STK3: variants seen among roughly 807,000 people sequenced by gnomAD.
STK3 encodes the protein serine/threonine-protein kinase 3.
A neutral mutation model predicts 58.0 loss-of-function variants in STK3; 41 were observed. The ratio of observed to expected loss-of-function variants is 0.71; its 90% CI spans 0.55 to 0.92. The LOEUF is 0.92. Among genes scored for constraint, STK3 ranks in the 40% least tolerant of loss-of-function variants. The probability of loss-of-function intolerance (pLI) is 0.00; values close to 1 mark genes in which losing one functional copy is unlikely to be tolerated. For missense variants in STK3, 479 were observed against 602.7 expected (o/e 0.79, Z 2.15); for synonymous variants, 170 against 191.0 (o/e 0.89, Z 0.91).
rs545620806 is a variant in STK3, at chr8:98,873,461, T to A, written c.110+10186A>T. On this transcript the variant is annotated intron_variant, in intron 3 of 12. Coordinates refer to the STK3 transcript ENST00000523601. ...GGGTGTTAAAGTCTCCCATTATTATTGTGTGGGAGTCTAAGTCTCTTTGTA... is the reference window on the plus strand; with the variant it reads ...GGGTGTTAAAGTCTCCCATTATTATAGTGTGGGAGTCTAAGTCTCTTTGTA... Among the ~76,000 whole-genome samples the A allele has an allele frequency of 4.6e-5, 7 of 152,334 alleles. No individual in the cohort carries two copies. The South Asian group carries it at 1.5e-3, about 32-fold the overall frequency.
chr8:98,361,576 T>G, the STK3 span, among the ~76,000 whole-genome samples: 1 of 152,178 alleles, frequency 6.6e-6, no homozygotes, highest in African/African-American at 2.4e-5. Context: ...TGAGCTATAT[T>G]TATGATCTTA....
chr8:98,495,228 T>C lies in STK3; in HGVS notation c.1317+31514A>G, dbSNP rs368356430. 1.8e-4 allele frequency among the ~76,000 whole-genome samples: 28 copies of C among 152,294 alleles called. No individual in the cohort carries two copies. In the South Asian group the frequency reaches 5.6e-3, roughly 30 times the overall value. On this transcript the variant is annotated intron_variant, in intron 10 of 10. Transcript: ENST00000419617. ...CATCAACGCAATGTGCCAAGCAACA[T>C]AGTAAATGTTCACGTTTCAAACAGG...
intron 4 of STK3, among the ~76,000 whole-genome samples, chr8:98,743,599 G>C (rs1319136231): frequency 6.6e-6 from 1 of 152,164 alleles, no homozygotes; most frequent in Non-Finnish European, 1.5e-5. Flanking sequence ...ATGGATTAAA[G>C]ACTTAAACGT....
intron 3 of STK3, among the ~76,000 whole-genome samples, chr8:98,866,421 C>G (rs756891344): frequency 6.6e-6 from 1 of 152,138 alleles, no homozygotes; most frequent in Non-Finnish European, 1.5e-5. Flanking sequence ...CATTAATTGA[C>G]CCATGACTAA....
chr8:98,394,074 C>T (rs940928030), intron 3 of STK3, among the ~76,000 whole-genome samples: 1 of 152,070 alleles, frequency 6.6e-6, no homozygotes, highest in Non-Finnish European at 1.5e-5. Context: ...GTGGAGTGAG[C>T]AGCAGGATAA....
intron 3 of STK3, among the ~76,000 whole-genome samples, chr8:98,830,969 C>CAAAAA (rs760622434): frequency 5.0e-5 from 3 of 59,886 alleles, no homozygotes; most frequent in Non-Finnish European, 9.2e-5. Context: ...GACTCTGTCT[C>CAAAAA]AAAAAAAAAA....
At chr8:98,466,857 T>C (rs1820504276) in intron 10 of STK3, among the ~76,000 whole-genome samples, 1 of 152,106 alleles carries the variant, frequency 6.6e-6, no homozygotes, top group Non-Finnish European at 1.5e-5. Flanking sequence ...TCTGACCTCC[T>C]CTTTTGGAGT....
At chr8:98,824,026 C>T (rs1274764760) in intron 1 of STK3, among the ~76,000 whole-genome samples, 1 of 152,146 alleles carries the variant, frequency 6.6e-6, no homozygotes, top group African/African-American at 2.4e-5. Flanking sequence ...GGATTAATGC[C>T]TATAATCCAA....
upstream of STK3, among the ~76,000 whole-genome samples, chr8:98,388,597 T>C (rs1299846538): frequency 2.0e-5 from 3 of 152,212 alleles, no homozygotes; most frequent in African/African-American, 7.2e-5. Flanking sequence ...ATGTAATTGA[T>C]ACTATTGGGA....
At chr8:98,700,036 C>A (rs1825410419) in intron 6 of STK3, among the ~76,000 whole-genome samples, 1 of 152,226 alleles carries the variant, frequency 6.6e-6, no homozygotes, top group African/African-American at 2.4e-5. Context: ...AGCTTCCCGG[C>A]TGCTTTGTTT....
intron 4 of STK3, among the ~76,000 whole-genome samples, chr8:98,718,519 A>G (rs1827185398): frequency 6.6e-6 from 1 of 152,180 alleles, no homozygotes; most frequent in East Asian, 1.9e-4. Context: ...GCACCATCCA[A>G]CAGAGTAACC....
intron 3 of STK3, chr8:98,429,270 G>C (rs994439138): frequency 6.2e-7 from 1 of 1,614,092 alleles, no homozygotes; most frequent in Admixed American, 1.7e-5. Context: ...GCGCAGCTGT[G>C]ACTTTGGAGA....
chr8:98,871,148 G>A (rs1837361897), intron 3 of STK3, among the ~76,000 whole-genome samples: 2 of 152,106 alleles, frequency 1.3e-5, no homozygotes, highest in African/African-American at 2.4e-5. Context: ...AAGATCAGAT[G>A]GTTGTAGATG....
intron 3 of STK3, among the ~76,000 whole-genome samples, chr8:98,760,028 T>A (rs189829584): frequency 3.4e-4 from 51 of 152,112 alleles, no homozygotes; most frequent in Non-Finnish European, 1.5e-4. Flanking sequence ...TTTTTTTTTT[T>A]ATTGTTTTTT....
rs1433924112 is a variant in STK3, at chr8:98,586,150, A to T, written c.823-6361T>A. Among the ~76,000 whole-genome samples the T allele has an allele frequency of 6.9e-4, 105 of 151,876 alleles. 1 individual carries two copies. The highest frequency in any genetic ancestry group is 2.5e-3 in the African/African-American group (104 of 41,396). On this transcript the variant is annotated intron_variant, in intron 7 of 10. Coordinates refer to ENST00000419617, the MANE Select transcript of STK3 (RefSeq NM_006281.4). Reference sequence around the variant, plus strand: ...AACACTATGTTGAATAGGAGTGGTGAGAGAGGGCATCCCTGTCTTGTGCCA... The same window carrying T: ...AACACTATGTTGAATAGGAGTGGTGTGAGAGGGCATCCCTGTCTTGTGCCA...
chr8:98,584,269 C>A (rs1194965074), intron 7 of STK3, among the ~76,000 whole-genome samples: 1 of 148,916 alleles, frequency 6.7e-6, no homozygotes, highest in African/African-American at 2.5e-5. Flanking sequence ...CCACAACAGT[C>A]CCCAGAGTGT....
At chr8:98,862,411 C>G (rs1294295110) in intron 3 of STK3, among the ~76,000 whole-genome samples, 7 of 152,176 alleles carry the variant, frequency 4.6e-5, no homozygotes, top group African/African-American at 1.7e-4. Context: ...CCAAGTTAAG[C>G]TCAAATCAAT....
intron 7 of STK3, among the ~76,000 whole-genome samples, chr8:98,581,720 A>G (rs1308968340): frequency 6.6e-6 from 1 of 151,648 alleles, no homozygotes; most frequent in Non-Finnish European, 1.5e-5. Flanking sequence ...TGGCTTCTCC[A>G]CTACCCAGTG....
chr8:98,636,585 C>T (rs1316655398), intron 6 of STK3, among the ~76,000 whole-genome samples: 4 of 151,988 alleles, frequency 2.6e-5, no homozygotes, highest in African/African-American at 7.2e-5. Flanking sequence ...ACAAAAAGTA[C>T]AAGGCACTCC....
Sources: gnomAD v4.1 joint callset for allele counts (sites outside exome capture counted in the v4.1 genomes callset) on GRCh38, gnomAD v4.1.1 for gene constraint, MANE v1.5 for transcripts, NCBI Gene and HGNC (gene_info 2026-07-23, HGNC 2026-07-21) for gene names.